PARD3B: variants seen among roughly 807,000 people sequenced by gnomAD.
PARD3B encodes par-3 family cell polarity regulator beta, also known as partitioning defective 3 homolog B.
In PARD3B, 103 loss-of-function variants were observed where a neutral mutation model predicts 130.2. The observed-to-expected ratio is 0.79, with a 90% CI of 0.67 to 0.93. The LOEUF is 0.93. PARD3B is among the 40% of genes least tolerant of loss of function. The pLI, the probability that PARD3B is intolerant of heterozygous loss-of-function variation, is 0.00. For synonymous variants in PARD3B, 583 were observed against 553.2 expected (o/e 1.05, Z -0.76); for missense variants, 1,609 against 1,499.2 (o/e 1.07, Z -1.21).
chr2:204,685,848 A>G (rs975909946), intron 1 of PARD3B, among the ~76,000 whole-genome samples: 1 of 152,088 alleles, frequency 6.6e-6, no homozygotes, highest in African/African-American at 2.4e-5. Context: ...CCTCAAGAAG[A>G]TCTTTCTTTT....
rs55688873 is a variant in PARD3B, at chr2:204,838,349, ATGTGTGTGTGTGTGTGTG to A, written c.223-126779_223-126762del. Among the ~76,000 whole-genome samples the A allele has an allele frequency of 7.7e-3, 1,046 of 135,422 alleles. 11 individuals carry two copies. Among genetic ancestry groups the A allele is most frequent in the African/African-American group, 0.027 (988 of 36,878 alleles). The allele number at this position is 135,422 out of a possible 152,430, so 88.8% of individuals were successfully genotyped here. A position where few individuals can be genotyped will look rare whatever the true frequency, so the allele number is the denominator to read the frequency against. ...AGGCACCCGCCACCATACCTGGCTAATGTGTGTGTGTGTGTGTGTGTGTGTGTGTGTGTGTGTGTGTCT... is the reference window on the plus strand; with the variant it reads ...AGGCACCCGCCACCATACCTGGCTAATGTGTGTGTGTGTGTGTGTGTGTCT... On this transcript the variant is annotated intron_variant, in intron 2 of 22. Transcript: ENST00000406610.
chr2:205,036,954 GAACATATATAGCGGACTGTATATATAAAA>G (rs1697980042), intron 3 of PARD3B, among the ~76,000 whole-genome samples: 2 of 147,518 alleles, frequency 1.4e-5, no homozygotes, highest in Admixed American at 6.8e-5. Flanking sequence ...TATATATAAA[GAACATATATAGCGGACTGTATATATAAAA>G]AACATATATA....
At position 204,678,203 on chromosome 2, in the gene PARD3B, C is replaced by A. The variant is rs907745956; in HGVS notation, c.121-7978C>A. ...AGCACGCAGGTGAGCAGGTGCAGGA[C>A]CTGGGGCAAGTGCCTTTAGGTGCTG... is the stretch of plus-strand genomic sequence containing the variant. On this transcript the variant is annotated intron_variant, in intron 1 of 22. Coordinates refer to ENST00000406610, the MANE Select transcript of PARD3B (RefSeq NM_001302769.2). The surrounding 1 kb of genome is among the most constrained non-coding windows in gnomAD (Gnocchi z 4.2). Among the ~76,000 whole-genome samples the A allele has an allele frequency of 2.0e-5, 3 of 152,098 alleles. No homozygotes were observed. The highest frequency in any genetic ancestry group is 2.9e-5 in the Non-Finnish European group (2 of 68,018).
rs1011559128 is a variant in PARD3B, at chr2:205,011,255, G to T, written c.395-36326G>T. ...CAGGAATGCAGGCATGGCTTAGCTT[G>T]GTGATTCTGGCTCGGGGTTTCCCAA... is the stretch of plus-strand genomic sequence containing the variant. On this transcript the variant is annotated intron_variant, in intron 3 of 22. Coordinates refer to ENST00000406610, the MANE Select transcript of PARD3B (RefSeq NM_001302769.2). The surrounding 1 kb of genome is among the most constrained non-coding windows in gnomAD (Gnocchi z 4.1). Among the ~76,000 whole-genome samples, 2 of 152,176 alleles carry T rather than the reference G, an allele frequency of 1.3e-5. No homozygotes were observed. The highest frequency in any genetic ancestry group is 3.9e-4 in the East Asian group (2 of 5,190).
Position 205,554,777 on chromosome 2 carries a change from T to A in PARD3B, c.3260+1374T>A, listed in dbSNP as rs139897019. 1.9e-4 allele frequency among the ~76,000 whole-genome samples: 29 copies of A among 152,348 alleles called. No individual in the cohort carries two copies. The East Asian group carries it at 5.0e-3, about 26-fold the overall frequency. Reference sequence around the variant, plus strand: ...TAAACAGCACAGTATAACAACTATTTGCATAGTCTTTACATTGTACTCAGT... The same window carrying A: ...TAAACAGCACAGTATAACAACTATTAGCATAGTCTTTACATTGTACTCAGT... On this transcript the variant is annotated intron_variant, in intron 22 of 22. Transcript: ENST00000406610.
intron 4 of PARD3B, among the ~76,000 whole-genome samples, chr2:205,071,010 C>T: frequency 6.6e-6 from 1 of 151,560 alleles, no homozygotes. Flanking sequence ...AAAAAAAAAA[C>T]CACTTAATTT....
chr2:205,046,476 A>G (rs1469716961), intron 3 of PARD3B, among the ~76,000 whole-genome samples: 2 of 136,168 alleles, frequency 1.5e-5, no homozygotes, highest in African/African-American at 5.5e-5. Context: ...TTATCATGAA[A>G]GAAGTTTTTT....
intron 2 of PARD3B, among the ~76,000 whole-genome samples, chr2:204,868,728 G>A (rs959430158): frequency 2.0e-5 from 3 of 152,194 alleles, no homozygotes; most frequent in Non-Finnish European, 4.4e-5. Flanking sequence ...GGTCACGAAT[G>A]TAGTATATTT....
chr2:204,863,331 C>A (rs1184344873), intron 2 of PARD3B, among the ~76,000 whole-genome samples: 1 of 152,166 alleles, frequency 6.6e-6, no homozygotes, highest in Non-Finnish European at 1.5e-5. Context: ...GAGCGCCATC[C>A]TTGCATCACC....
intron 3 of PARD3B, among the ~76,000 whole-genome samples, chr2:204,978,725 G>A (rs929459627): frequency 3.9e-5 from 6 of 152,124 alleles, no homozygotes; most frequent in Non-Finnish European, 7.4e-5. Flanking sequence ...ATTCTGGGAG[G>A]CTGAAGTGGG....
rs558342662 is a variant in PARD3B, at chr2:204,838,333, C to T, written c.223-126819C>T. Among the ~76,000 whole-genome samples the T allele has an allele frequency of 2.2e-3, 334 of 150,276 alleles. 1 individual carries two copies. Among genetic ancestry groups the T allele is most frequent in the Middle Eastern group, 6.9e-3 (2 of 290 alleles). ...AAGTAGCTGGGATTACAGGCACCCGCCACCATACCTGGCTAATGTGTGTGT... is the reference window on the plus strand; with the variant it reads ...AAGTAGCTGGGATTACAGGCACCCGTCACCATACCTGGCTAATGTGTGTGT... On this transcript the variant is annotated intron_variant, in intron 2 of 22. Coordinates refer to ENST00000406610, the MANE Select transcript of PARD3B (RefSeq NM_001302769.2).
chr2:204,738,945 T>C (rs1213558755), intron 2 of PARD3B, among the ~76,000 whole-genome samples: 1 of 152,218 alleles, frequency 6.6e-6, no homozygotes, highest in Admixed American at 6.5e-5. Flanking sequence ...CCAGGGATGA[T>C]GTCTCATCAT....
chr2:204,879,664 C>A (rs1395618759), intron 2 of PARD3B, among the ~76,000 whole-genome samples: 1 of 152,184 alleles, frequency 6.6e-6, no homozygotes, highest in Non-Finnish European at 1.5e-5. Flanking sequence ...TCTGAAATAA[C>A]TCCTGATTGT....
intron 4 of PARD3B, among the ~76,000 whole-genome samples, chr2:205,049,988 A>G (rs74508200): frequency 0.012 from 1,819 of 152,102 alleles, 37 homozygotes; most frequent in African/African-American, 0.041. Context: ...TTGTAAAATA[A>G]TCTCCATGAA....
At chr2:205,217,902 TTTTA>T (rs1394842543) in intron 15 of PARD3B, among the ~76,000 whole-genome samples, 66 of 119,948 alleles carry the variant, frequency 5.5e-4, no homozygotes, top group Non-Finnish European at 7.3e-4. Flanking sequence ...ATATTTTTTT[TTTTA>T]TTTTTTTGAG....
chr2:204,964,771 A>G (rs1160756111), intron 2 of PARD3B, among the ~76,000 whole-genome samples: 7 of 152,158 alleles, frequency 4.6e-5, no homozygotes, highest in African/African-American at 1.2e-4. Context: ...CTATTATTCA[A>G]TGCATATTCA....
rs201618994 is a variant in PARD3B, at chr2:205,158,895, C to T, written c.1608C>T (p.Gly536=). ...GIFIKSIIHG[G]AAFKDGRLRM... ...TTATCAAATCCATCATTCATGGAGG[C>T]GCTGCTTTTAAGGTGGGTAGGAATG... Residue 536 remains glycine, a synonymous_variant, in exon 11 of 23, where the codon GGC becomes GGT. Transcript: ENST00000406610. This position sits in a 1 kb window ranked among gnomAD's most constrained non-coding sequence, Gnocchi z 5.4. The T allele has an allele frequency of 1.6e-5, 26 of 1,613,688 alleles. No homozygotes were observed. In the South Asian group the frequency reaches 2.1e-4, roughly 13 times the overall value.
At chr2:205,165,304 C>CT (rs2034744325) in intron 11 of PARD3B, among the ~76,000 whole-genome samples, 1 of 152,084 alleles carries the variant, frequency 6.6e-6, no homozygotes, top group Non-Finnish European at 1.5e-5. Flanking sequence ...GAGAATATTT[C>CT]TGATGGTTTG....
intron 2 of PARD3B, among the ~76,000 whole-genome samples, chr2:204,802,477 A>G (rs969325920): frequency 6.6e-6 from 1 of 152,160 alleles, no homozygotes; most frequent in Non-Finnish European, 1.5e-5. Flanking sequence ...TTGACCCAGC[A>G]ATCTCATTAC....
Sources: allele counts gnomAD v4.1 joint callset (sites outside exome capture counted in the v4.1 genomes callset), GRCh38; gene constraint gnomAD v4.1.1; non-coding constraint Gnocchi (gnomAD v3.1); transcripts MANE v1.5; gene names NCBI Gene and HGNC (gene_info 2026-07-23, HGNC 2026-07-21).